MED27: variants seen among roughly 807,000 people sequenced by gnomAD.
The protein encoded by MED27 is mediator of RNA polymerase II transcription subunit 27.
Under a neutral mutation model 38.2 loss-of-function variants are expected in MED27, and 30 were observed. The observed-to-expected ratio is 0.79, with a 90% CI of 0.59 to 1.07. MED27 has a LOEUF of 1.07. Ranked by LOEUF, MED27 falls within the 50% of genes least tolerant of loss-of-function variation. The pLI is 0.00. For missense variants in MED27, 289 were observed against 397.5 expected, an observed-to-expected ratio of 0.73 and a Z score of 2.32; for synonymous variants, 122 against 153.5, an observed-to-expected ratio of 0.79 and a Z score of 1.52.
intron 4 of MED27, among the ~76,000 whole-genome samples, chr9:131,918,370 C>T (rs1830331235): frequency 6.6e-6 from 1 of 152,196 alleles, no homozygotes; most frequent in African/African-American, 2.4e-5. Context: ...CCTAAACATA[C>T]ATTCACTGGA....
rs953199996 is a variant in MED27 at position 131,872,760 on chromosome 9, T to C, written c.724-9620A>G. Among the ~76,000 whole-genome samples the C allele has an allele frequency of 1.3e-5, 2 of 152,204 alleles. No individual in the cohort carries two copies. Among genetic ancestry groups the C allele is most frequent in the African/African-American group, 4.8e-5 (2 of 41,462 alleles). Reference sequence around the variant, plus strand: ...CTGTCCTAGTTATCTCCTGGCAGCATGTGCACACTGTGCCCTGAAGTTCCT... The same window carrying C: ...CTGTCCTAGTTATCTCCTGGCAGCACGTGCACACTGTGCCCTGAAGTTCCT... On this transcript the variant is annotated intron_variant, in intron 6 of 7. Coordinates refer to ENST00000292035, the MANE Select transcript of MED27 (RefSeq NM_004269.4). The surrounding 1 kb of genome is among the most constrained non-coding windows in gnomAD (Gnocchi z 5.6).
At chr9:131,938,717 T>TC (rs1830726494) in intron 4 of MED27, among the ~76,000 whole-genome samples, 2 of 151,834 alleles carry the variant, frequency 1.3e-5, no homozygotes. Flanking sequence ...TCTTTTTTTT[T>TC]CTTTTTTTTT....
chr9:131,904,476 C>T (rs1207256705), intron 4 of MED27, among the ~76,000 whole-genome samples: 2 of 152,002 alleles, frequency 1.3e-5, no homozygotes, highest in Admixed American at 6.6e-5. Flanking sequence ...TCATAGCTCA[C>T]TGCAGCCTGG....
intron 2 of MED27, among the ~76,000 whole-genome samples, chr9:132,022,142 T>G (rs2131088158): frequency 6.6e-6 from 1 of 152,250 alleles, no homozygotes; most frequent in Admixed American, 6.5e-5. Context: ...TGAATGAGAA[T>G]ATGCCCTCTG....
At chr9:131,874,531 G>A (rs1163169523) in intron 6 of MED27, among the ~76,000 whole-genome samples, 1 of 152,146 alleles carries the variant, frequency 6.6e-6, no homozygotes, top group Non-Finnish European at 1.5e-5. Flanking sequence ...CTGGGGAAAG[G>A]GGAGCGGAGT....
At chr9:131,972,532 G>A (rs147705826) in intron 3 of MED27, among the ~76,000 whole-genome samples, 197 of 152,246 alleles carry the variant, frequency 1.3e-3, no homozygotes, top group African/African-American at 4.5e-3. Context: ...CTAGCACTCA[G>A]CCCTGTATAC....
chr9:132,003,191 C>A lies in MED27; in HGVS notation c.479+11146G>T, dbSNP rs2131060518. ...CCAATAATGGCCAGTGATGTAATAA[C>A]CACACCAGACAGCTGTCTTCCTGGA... On this transcript the variant is annotated intron_variant, in intron 3 of 7. Transcript: ENST00000292035. This position sits in a 1 kb window ranked among gnomAD's most constrained non-coding sequence, Gnocchi z 4.2. Among the ~76,000 whole-genome samples the A allele has an allele frequency of 6.6e-6, 1 of 152,234 alleles. No homozygotes were observed. The highest frequency in any genetic ancestry group is 2.1e-4 in the South Asian group (1 of 4,818).
chr9:132,057,907 C>A (rs1056766471), intron 2 of MED27, among the ~76,000 whole-genome samples: 1 of 152,134 alleles, frequency 6.6e-6, no homozygotes, highest in Non-Finnish European at 1.5e-5. Context: ...GAGAATGAGG[C>A]AGGAGGAGCC....
intron 2 of MED27, among the ~76,000 whole-genome samples, chr9:132,069,692 G>A (rs547427800): frequency 2.6e-5 from 4 of 152,156 alleles, no homozygotes; most frequent in African/African-American, 9.7e-5. Context: ...TTGTTTCCAC[G>A]ACCACAGAAA....
At chr9:132,021,191 G>C (rs1402103157) in intron 2 of MED27, among the ~76,000 whole-genome samples, 1 of 152,188 alleles carries the variant, frequency 6.6e-6, no homozygotes, top group Non-Finnish European at 1.5e-5. Flanking sequence ...TTAAATATCT[G>C]TAATGGTTAG....
chr9:132,072,789 C>T (rs935112989), intron 2 of MED27, among the ~76,000 whole-genome samples: 3 of 152,034 alleles, frequency 2.0e-5, no homozygotes, highest in Non-Finnish European at 2.9e-5. Flanking sequence ...ATTTTCTCTC[C>T]TATTATATTC....
chr9:132,052,165 G>C (rs1484929774), intron 2 of MED27, among the ~76,000 whole-genome samples: 1 of 152,084 alleles, frequency 6.6e-6, no homozygotes, highest in African/African-American at 2.4e-5. Flanking sequence ...TGGGTCTCCT[G>C]GCTCTGACAA....
At chr9:131,952,656 A>T (rs1462370948) in intron 3 of MED27, among the ~76,000 whole-genome samples, 1 of 150,520 alleles carries the variant, frequency 6.6e-6, no homozygotes, top group Non-Finnish European at 1.5e-5. Context: ...CAGTGAGGTC[A>T]GGGTATTTAT....
rs1367748004 is a variant in MED27 at position 131,860,127 on chromosome 9, T to G, written c.*411A>C. ...AAGCCTTATCCAGGATACAAAAGGT[T>G]TATTGCTTATAAAAATAAGTTACCA... On this transcript the variant is annotated 3_prime_UTR_variant, in exon 8 of 8. Transcript: ENST00000292035. This position sits in a 1 kb window ranked among gnomAD's most constrained non-coding sequence, Gnocchi z 5.8. 6.2e-6 allele frequency: 1 copy of G among 161,470 alleles called. No homozygotes were observed. The highest frequency in any genetic ancestry group is 1.3e-5 in the Non-Finnish European group (1 of 74,620). 10.0% of individuals were successfully genotyped at this position (161,470 alleles called of 1,614,324 possible).
At chr9:131,887,676 A>G (rs1380278065) in intron 5 of MED27, among the ~76,000 whole-genome samples, 1 of 152,236 alleles carries the variant, frequency 6.6e-6, no homozygotes, top group Admixed American at 6.5e-5. Context: ...GCTGGCTGCA[A>G]TATTCAAAAA....
rs1838635731 is a variant in MED27, at chr9:131,860,599, A to G, written c.875T>C (p.Leu292Pro). The G allele has an allele frequency of 5.6e-6, 9 of 1,606,830 alleles. No individual in the cohort carries two copies. The highest frequency in any genetic ancestry group is 7.6e-6 in the Non-Finnish European group (9 of 1,177,012). Residue 292 changes from leucine to proline, a missense_variant, in exon 8 of 8, where the codon CTT becomes CCT. Leu to Pro is a moderately conservative substitution (Grantham distance 98). Coordinates refer to ENST00000292035, the MANE Select transcript of MED27 (RefSeq NM_004269.4). The surrounding 1 kb of genome is among the most constrained non-coding windows in gnomAD (Gnocchi z 5.8). ...TCGGAAATCCCTCCATGTCGGGGGA[A>G]GGCCGTCCTGCAGAAACTTCCCGCA... Reference protein sequence around the residue: ...QRCGKFLQDGLPPTWRDFRTL... With the variant: ...QRCGKFLQDGPPPTWRDFRTL...
At chr9:132,072,321 G>A (rs568146186) in intron 2 of MED27, among the ~76,000 whole-genome samples, 1 of 152,264 alleles carries the variant, frequency 6.6e-6, no homozygotes, top group East Asian at 1.9e-4. Flanking sequence ...TGAGGAAACT[G>A]ATACTCAAAA....
chr9:132,073,842 G>T, intron 2 of MED27: 1 of 1,386,746 alleles, frequency 7.2e-7, no homozygotes, highest in Non-Finnish European at 9.3e-7. Context: ...GACACTTCTG[G>T]GGTCTTTGCA....
At chr9:131,879,588 A>C (rs1838999623) in intron 6 of MED27, among the ~76,000 whole-genome samples, 1 of 152,212 alleles carries the variant, frequency 6.6e-6, no homozygotes, top group South Asian at 2.1e-4. Context: ...ACATCTGGGT[A>C]CTATCTTCAG....
Sources: gnomAD v4.1 joint callset for allele counts (sites outside exome capture counted in the v4.1 genomes callset) on GRCh38, gnomAD v4.1.1 for gene constraint, Gnocchi (gnomAD v3.1) non-coding constraint, MANE v1.5 for transcripts, NCBI Gene and HGNC (gene_info 2026-07-23, HGNC 2026-07-21) for gene names.